Variants in GCNT3 observed in about 807,000 individuals in gnomAD.
The protein encoded by GCNT3 is glucosaminyl (N-acetyl) transferase 3, mucin type.
For missense variants in GCNT3, 708 were observed against 530.3 expected, an observed-to-expected ratio of 1.34 and a Z score of -3.29; for synonymous variants, 269 against 195.2, an observed-to-expected ratio of 1.38 and a Z score of -3.15.
Position 59,618,441 on chromosome 15 carries a change from T to A in GCNT3, c.203T>A (p.Ile68Asn). ...CTGAAACTTCCAGCAAAGAGGTCTA[T>A]CAACTGTTCAGGGGTCACCCGAGGG... is the stretch of plus-strand genomic sequence containing the variant. ...NFLKLPAKRS[I>N]NCSGVTRGDQ... Residue 68 changes from isoleucine (I) to asparagine (N), a missense_variant, in exon 3 of 3, where the codon ATC becomes AAC. Transcript: ENST00000396065. 6.2e-7 allele frequency: 1 copy of A among 1,614,096 alleles called. No individual in the cohort carries two copies. Among genetic ancestry groups the A allele is most frequent in the Non-Finnish European group, 8.5e-7 (1 of 1,179,974 alleles).
At chr15:59,616,411 T>C (rs2082719966) in intron 1 of GCNT3, 1 of 152,236 alleles carries the variant, frequency 6.6e-6, no homozygotes, top group African/African-American at 2.4e-5. Context: ...TCTCTCTGTT[T>C]CTATGGTTCC....
intron 2 of GCNT3, among the ~76,000 whole-genome samples, chr15:59,617,193 A>AG (rs2082723911): frequency 8.4e-6 from 1 of 119,356 alleles, no homozygotes; most frequent in Non-Finnish European, 1.7e-5. Flanking sequence ...TTTTTTTTTA[A>AG]AGGGGCTTCC....
chr15:59,615,580 A>T (rs1184104412), intron 1 of GCNT3, among the ~76,000 whole-genome samples: 1 of 151,938 alleles, frequency 6.6e-6, no homozygotes, highest in Non-Finnish European at 1.5e-5. Context: ...TGAGTTCTTT[A>T]TATTAAATTT....
rs1430385604 is a variant in GCNT3, at chr15:59,621,924, A to G, written c.*2369A>G. On this transcript the variant is annotated 3_prime_UTR_variant, in exon 3 of 3. Transcript: ENST00000396065. ...CTTTCTGAGTGTTGTCATTCAATTC[A>G]TCAAGTTTTCTGTCATGATCAACTT... is the stretch of plus-strand genomic sequence containing the variant. 1 of 151,734 alleles carries G rather than the reference A, an allele frequency of 6.6e-6. No homozygotes were observed. Among genetic ancestry groups the G allele is most frequent in the African/African-American group, 2.4e-5 (1 of 41,286 alleles). 9.4% of individuals were successfully genotyped at this position (151,734 alleles called of 1,614,324 possible).
intron 2 of GCNT3, among the ~76,000 whole-genome samples, chr15:59,617,258 G>A (rs2082724266): frequency 6.8e-6 from 1 of 148,138 alleles, no homozygotes; most frequent in Admixed American, 6.8e-5. Context: ...ATATAAAAGA[G>A]CTATAATACT....
At position 59,618,926 on chromosome 15, in the gene GCNT3, G is replaced by C. The variant is rs1320437819; in HGVS notation, c.688G>C (p.Asp230His). The C allele has an allele frequency of 6.2e-7, 1 of 1,614,130 alleles. No individual in the cohort carries two copies. The highest frequency in any genetic ancestry group is 8.5e-7 in the Non-Finnish European group (1 of 1,180,014). ...ATACTTCCTGAATACATGTGGGACG[G>C]ACTTTCCTATAAAGAGCAATGCAGA... The part of the protein sequence containing the change: ...WKYFLNTCGT[D>H]FPIKSNAEMV... Residue 230 changes from aspartate to histidine, a missense_variant, in exon 3 of 3, where the codon GAC becomes CAC. Transcript: ENST00000396065.
At chr15:59,613,577 TAA>T (rs869113538) in intron 1 of GCNT3, among the ~76,000 whole-genome samples, 10 of 115,556 alleles carry the variant, frequency 8.7e-5, no homozygotes, top group African/African-American at 1.6e-4. Context: ...AATAAATAAA[TAA>T]AAATAAAAAT....
At chr15:59,614,832 A>T (rs1371889131) in intron 1 of GCNT3, among the ~76,000 whole-genome samples, 2 of 152,196 alleles carry the variant, frequency 1.3e-5, no homozygotes, top group African/African-American at 4.8e-5. Flanking sequence ...CTTATTCAAG[A>T]TGGAGTTGCT....
At chr15:59,615,363 G>C (rs1384799767) in intron 1 of GCNT3, among the ~76,000 whole-genome samples, 2 of 152,166 alleles carry the variant, frequency 1.3e-5, no homozygotes, top group African/African-American at 4.8e-5. Flanking sequence ...TGAGCTCAGA[G>C]ACCTCAGCAT....
At position 59,619,314 on chromosome 15, in the gene GCNT3, C is replaced by T; in HGVS notation, c.1076C>T (p.Ser359Phe). 1.2e-6 allele frequency: 2 copies of T among 1,614,148 alleles called. No homozygotes were observed. The highest frequency in any genetic ancestry group is 1.7e-6 in the Non-Finnish European group (2 of 1,180,014). Residue 359 changes from serine to phenylalanine, a missense_variant, in exon 3 of 3, where the codon TCT becomes TTT. Transcript: ENST00000396065. ...AAGTACGACATCTCAGACATGACTT[C>T]TATTGCCAGGCTGGTCAAGTGGCAG... ...HPKYDISDMTSIARLVKWQGH... is the reference protein window; with the variant it reads ...HPKYDISDMTFIARLVKWQGH...
chr15:59,614,317 C>A (rs1207048817), intron 1 of GCNT3, among the ~76,000 whole-genome samples: 1 of 152,096 alleles, frequency 6.6e-6, no homozygotes. Context: ...ACCCTGTTAC[C>A]AGAAAGGGGT....
chr15:59,618,228 A>G lies in GCNT3; in HGVS notation c.-11A>G. ...TGTGCTCGGTCTCCACCTGTCTCCC[A>G]TTCTGTGACGATGGTTCAATGGAAG... On this transcript the variant is annotated 5_prime_UTR_variant, in exon 3 of 3. Coordinates refer to ENST00000396065, the MANE Select transcript of GCNT3 (RefSeq NM_004751.3). 8 of 1,498,152 alleles carry G rather than the reference A, an allele frequency of 5.3e-6. No individual in the cohort carries two copies. Among genetic ancestry groups the G allele is most frequent in the Non-Finnish European group, 7.3e-6 (8 of 1,100,472 alleles). 92.8% of individuals were successfully genotyped at this position (1,498,152 alleles called of 1,614,324 possible).
chr15:59,618,055 T>C (rs141063203), intron 2 of GCNT3, 124 bp from the exon 3 acceptor site: 25 of 493,450 alleles, frequency 5.1e-5, no homozygotes, highest in African/African-American at 4.4e-4. Context: ...AAGGGGCTTC[T>C]AGGCAGGTCT....
Position 59,616,790 on chromosome 15 carries a change from T to G in GCNT3, c.-152T>G, listed in dbSNP as rs550224917. ...AGATCAGGGGACATGGTTGTTCACA[T>G]TTGCTGCCACGGAACACCGCCAGTC... On this transcript the variant is annotated 5_prime_UTR_variant, in exon 2 of 3. Coordinates refer to ENST00000396065, the MANE Select transcript of GCNT3 (RefSeq NM_004751.3). 6.6e-6 allele frequency: 1 copy of G among 152,308 alleles called. No individual in the cohort carries two copies. The highest frequency in any genetic ancestry group is 2.1e-4 in the South Asian group (1 of 4,824). 9.4% of individuals were successfully genotyped at this position (152,308 alleles called of 1,614,324 possible). A position where few individuals can be genotyped will look rare whatever the true frequency, so the allele number is the denominator to read the frequency against.
In GCNT3 at chr15:59,620,997, C is replaced by G. The variant is rs373321260; in HGVS notation, c.*1442C>G. On this transcript the variant is annotated 3_prime_UTR_variant, in exon 3 of 3. Transcript: ENST00000396065. ...CTCCCAGGTTCAAGTGATTCTCCCCCCAAACCTTGCAAGTAGCTGGGATTA... is the reference window on the plus strand; with the variant it reads ...CTCCCAGGTTCAAGTGATTCTCCCCGCAAACCTTGCAAGTAGCTGGGATTA... 1.8e-4 allele frequency: 27 copies of G among 151,270 alleles called. No homozygotes were observed. Among genetic ancestry groups the G allele is most frequent in the South Asian group, 1.3e-3 (6 of 4,740 alleles). 9.4% of individuals were successfully genotyped at this position (151,270 alleles called of 1,614,324 possible). A position where few individuals can be genotyped will look rare whatever the true frequency, so the allele number is the denominator to read the frequency against.
Position 59,618,827 on chromosome 15 carries a change from T to G in GCNT3, c.589T>G (p.Tyr197Asp). 6.2e-7 allele frequency: 1 copy of G among 1,614,188 alleles called. No homozygotes were observed. Reference sequence around the variant, plus strand: ...AGCCAGTAAGCTGGTTCGGGTGGTTTATGCCTCCTGGTCCAGGGTGCAAGC... The same window carrying G: ...AGCCAGTAAGCTGGTTCGGGTGGTTGATGCCTCCTGGTCCAGGGTGCAAGC... ...FIASKLVRVV[Y>D]ASWSRVQADL... The change falls in exon 3 of 3, where the codon TAT becomes GAT. Residue 197 changes from tyrosine to aspartate, a missense_variant. Transcript: ENST00000396065.
chr15:59,612,423 G>T (rs2082700436), intron 1 of GCNT3, among the ~76,000 whole-genome samples: 1 of 152,152 alleles, frequency 6.6e-6, no homozygotes, highest in Non-Finnish European at 1.5e-5. Context: ...TTTATATTTT[G>T]GTTACTGAGG....
rs1890954384 is a variant in GCNT3, at chr15:59,622,469, G to A, written c.*2914G>A. Reference sequence around the variant, plus strand: ...TGATGACTAGTTGTATACACAGTGGGTGTGCCCTGAGAGGTCTGTTGCCAG... The same window carrying A: ...TGATGACTAGTTGTATACACAGTGGATGTGCCCTGAGAGGTCTGTTGCCAG... On this transcript the variant is annotated 3_prime_UTR_variant, in exon 3 of 3. Transcript: ENST00000396065. 6.6e-6 allele frequency: 1 copy of A among 152,092 alleles called. No individual in the cohort carries two copies. Among genetic ancestry groups the A allele is most frequent in the African/African-American group, 2.4e-5 (1 of 41,390 alleles). 9.4% of individuals were successfully genotyped at this position (152,092 alleles called of 1,614,324 possible). A position where few individuals can be genotyped will look rare whatever the true frequency, so the allele number is the denominator to read the frequency against.
In GCNT3 at chr15:59,611,800, C is replaced by G. The variant is rs1567105384; in HGVS notation, c.-432C>G. ...ACTTCTCTGAGTCAGAGCCTCTTCT[C>G]TCTAAGTCACGGGAACTGCCCTTGC... On this transcript the variant is annotated 5_prime_UTR_variant, in exon 1 of 3. Transcript: ENST00000396065. The G allele has an allele frequency of 6.6e-6, 1 of 152,180 alleles. No individual in the cohort carries two copies. The highest frequency in any genetic ancestry group is 1.5e-5 in the Non-Finnish European group (1 of 68,058). The allele number at this position is 152,180 out of a possible 1,614,324, so 9.4% of individuals were successfully genotyped here.
Sources: allele counts gnomAD v4.1 joint callset (sites outside exome capture counted in the v4.1 genomes callset), GRCh38; gene constraint gnomAD v4.1.1; transcripts MANE v1.5; gene names NCBI Gene and HGNC (gene_info 2026-07-23, HGNC 2026-07-21).